The following ADRB1 variants were observed in gnomAD, a reference collection of about 807,000 sequenced individuals.
ADRB1 encodes beta-1 adrenergic receptor.
For synonymous variants in ADRB1, 365 were observed against 347.2 expected, an observed-to-expected ratio of 1.05 and a Z score of -0.57; for missense variants, 635 against 709.1, an observed-to-expected ratio of 0.90 and a Z score of 1.19.
Position 114,045,050 on chromosome 10 carries a change from G to A in ADRB1, c.918G>A (p.Ala306=). The change falls in exon 1 of 1, where the codon GCG becomes GCA. Residue 306 remains alanine, a synonymous_variant. Coordinates refer to ENST00000369295, the MANE Select transcript of ADRB1 (RefSeq NM_000684.3). ...CCGCCCCGCTGGCCAACGGGCGTGC[G>A]GGTAAGCGGCGGCCCTCGCGCCTCG... ...AATAPLANGR[A]GKRRPSRLVA... The A allele has an allele frequency of 1.5e-6, 2 of 1,321,410 alleles. No individual in the cohort carries two copies. The highest frequency in any genetic ancestry group is 1.8e-5 in the South Asian group (1 of 55,556). 81.9% of individuals were successfully genotyped at this position (1,321,410 alleles called of 1,614,324 possible).
chr10:114,044,250 G>A lies in ADRB1; in HGVS notation c.118G>A (p.Ala40Thr), dbSNP rs72556521. The A allele has an allele frequency of 1.5e-5, 22 of 1,479,278 alleles. No individual in the cohort carries two copies. Among genetic ancestry groups the A allele is most frequent in the Non-Finnish European group, 1.9e-5 (21 of 1,124,782 alleles). 91.6% of individuals were successfully genotyped at this position (1,479,278 alleles called of 1,614,324 possible). A position where few individuals can be genotyped will look rare whatever the true frequency, so the allele number is the denominator to read the frequency against. Reference sequence around the variant, plus strand: ...GCTGCTGGTGCCCGCGTCGCCGCCCGCCTCGTTGCTGCCTCCCGCCAGCGA... The same window carrying A: ...GCTGCTGGTGCCCGCGTCGCCGCCCACCTCGTTGCTGCCTCCCGCCAGCGA... ...ARLLVPASPP[A>T]SLLPPASESP... The change falls in exon 1 of 1, where the codon GCC becomes ACC. Residue 40 changes from alanine (A) to threonine (T), a missense_variant. Physicochemically the swap from Ala to Thr is moderately conservative, Grantham distance 58. Transcript: ENST00000369295. The surrounding 1 kb of genome is among the most constrained non-coding windows in gnomAD (Gnocchi z 7.8).
Position 114,045,002 on chromosome 10 carries a change from G to A in ADRB1, c.870G>A (p.Pro290=). 2 of 1,078,270 alleles carry A rather than the reference G, an allele frequency of 1.9e-6. No individual in the cohort carries two copies. The highest frequency in any genetic ancestry group is 2.2e-6 in the Non-Finnish European group (2 of 890,316). 66.8% of individuals were successfully genotyped at this position (1,078,270 alleles called of 1,614,324 possible). A position where few individuals can be genotyped will look rare whatever the true frequency, so the allele number is the denominator to read the frequency against. ...VPAPAPPPGP[P]RPAAAAATAP... is the part of the protein sequence containing the mutation. ...CGCCCGCGCCGCCGCCCGGACCCCC[G>A]CGCCCCGCCGCCGCCGCCGCCACCG... The change falls in exon 1 of 1, where the codon CCG becomes CCA. Residue 290 remains proline (P), a synonymous_variant. Transcript: ENST00000369295.
chr10:114,045,547 C>A lies in ADRB1; in HGVS notation c.1415C>A (p.Ala472Asp). The A allele has an allele frequency of 7.6e-7, 1 of 1,308,982 alleles. No homozygotes were observed. The highest frequency in any genetic ancestry group is 9.8e-7 in the Non-Finnish European group (1 of 1,025,070). 81.1% of individuals were successfully genotyped at this position (1,308,982 alleles called of 1,614,324 possible). A position where few individuals can be genotyped will look rare whatever the true frequency, so the allele number is the denominator to read the frequency against. Residue 472 changes from alanine to aspartate, a missense_variant, in exon 1 of 1, where the codon GCC (alanine) becomes GAC (aspartate). By Grantham distance (126) the Ala-to-Asp change is moderately radical (BLOSUM62 -2). Transcript: ENST00000369295. ...GACGAGCCGTGCCGCCCCGGCTTCG[C>A]CTCGGAATCCAAGGTGTAGGGCCCG... ...SLDEPCRPGFASESKV is the reference protein window; with the variant it reads ...SLDEPCRPGFDSESKV
rs1271505182 is a variant in ADRB1 at position 114,046,687 on chromosome 10, A to C, written c.*1121A>C. On this transcript the variant is annotated 3_prime_UTR_variant, in exon 1 of 1. Coordinates refer to ENST00000369295, the MANE Select transcript of ADRB1 (RefSeq NM_000684.3). ...AAATACCTTTTTATACTCCTTTATC[A>C]TGGTACTGTAACTGTATCCATATTA... The C allele has an allele frequency of 6.0e-6, 1 of 167,026 alleles. No individual in the cohort carries two copies. Among genetic ancestry groups the C allele is most frequent in the Non-Finnish European group, 1.5e-5 (1 of 68,126 alleles). 10.3% of individuals were successfully genotyped at this position (167,026 alleles called of 1,614,324 possible).
Position 114,045,375 on chromosome 10 carries a change from C to G in ADRB1, c.1243C>G (p.Leu415Val), listed in dbSNP as rs371023749. 1.8e-5 allele frequency: 23 copies of G among 1,286,022 alleles called. No individual in the cohort carries two copies. The East Asian group carries it at 1.9e-4, about 11-fold the overall frequency. 79.7% of individuals were successfully genotyped at this position (1,286,022 alleles called of 1,614,324 possible). Residue 415 changes from leucine (L) to valine (V), a missense_variant, in exon 1 of 1, where the codon CTG (leucine) becomes GTG (valine). Physicochemically the swap from Leu to Val is conservative, Grantham distance 32 (BLOSUM62 1). Transcript: ENST00000369295. ...HGDRPRASGC[L>V]ARPGPPPSPG... ...AGACCGGCCGCGCGCCTCGGGCTGT[C>G]TGGCCCGGCCCGGACCCCCGCCATC... is the stretch of plus-strand genomic sequence containing the variant.
Position 114,045,790 on chromosome 10 carries a change from C to CTTT in ADRB1, c.*225_*227dup, listed in dbSNP as rs1847555023. On this transcript the variant is annotated 3_prime_UTR_variant, in exon 1 of 1. Coordinates refer to ENST00000369295, the MANE Select transcript of ADRB1 (RefSeq NM_000684.3). ...TGTTGTTTTTTTTTTCTTTTCTTTT[C>CTTT]TTTCTTCTTCTTTTTTTTTTTTTTT... The CTTT allele has an allele frequency of 4.2e-6, 1 of 239,444 alleles. No homozygotes were observed. Among genetic ancestry groups the CTTT allele is most frequent in the Non-Finnish European group, 7.5e-6 (1 of 134,082 alleles). The allele number at this position is 239,444 out of a possible 1,614,324, so 14.8% of individuals were successfully genotyped here.
Position 114,045,262 on chromosome 10 carries a change from A to ACT in ADRB1, c.1131_1132dup (p.Cys378SerfsTer213), listed in dbSNP as rs754109896. 1 of 1,594,226 alleles carries ACT rather than the reference A, an allele frequency of 6.3e-7. No individual in the cohort carries two copies. Among genetic ancestry groups the ACT allele is most frequent in the South Asian group, 1.1e-5 (1 of 89,184 alleles). On this transcript the variant is annotated frameshift_variant, in exon 1 of 1. Coordinates refer to ENST00000369295, the MANE Select transcript of ADRB1 (RefSeq NM_000684.3). LOFTEE classifies it low-confidence loss of function (END_TRUNC). ...AACTCGGCCTTCAACCCCATCATCTACTGCCGCAGCCCCGACTTCCGCAAG... is the reference window on the plus strand; with the variant it reads ...AACTCGGCCTTCAACCCCATCATCTACTCTGCCGCAGCCCCGACTTCCGCAAG...
rs1017987082 is a variant in ADRB1, at chr10:114,046,229, C to T, written c.*663C>T. 6.0e-6 allele frequency: 1 copy of T among 167,104 alleles called. No individual in the cohort carries two copies. Among genetic ancestry groups the T allele is most frequent in the Non-Finnish European group, 1.5e-5 (1 of 68,144 alleles). 10.4% of individuals were successfully genotyped at this position (167,104 alleles called of 1,614,324 possible). ...TTGCTTTCCTTGTGTAGGGCAAACC[C>T]GCTGTCCCCCGCGCGCCTGGGTGGT... On this transcript the variant is annotated 3_prime_UTR_variant, in exon 1 of 1. Coordinates refer to ENST00000369295, the MANE Select transcript of ADRB1 (RefSeq NM_000684.3).
rs1323973066 is a variant in ADRB1, at chr10:114,044,027, C to T, written c.-106C>T. 3.1e-6 allele frequency: 3 copies of T among 977,478 alleles called. No individual in the cohort carries two copies. Among genetic ancestry groups the T allele is most frequent in the Non-Finnish European group, 3.9e-6 (3 of 771,512 alleles). 60.6% of individuals were successfully genotyped at this position (977,478 alleles called of 1,614,324 possible). ...GCCCCGCGCCGCGGCTGCCCTGACC[C>T]GGCCGCGACCTCCCTCTGCGCACCA... is the stretch of plus-strand genomic sequence containing the variant. On this transcript the variant is annotated 5_prime_UTR_variant, in exon 1 of 1. Coordinates refer to ENST00000369295, the MANE Select transcript of ADRB1 (RefSeq NM_000684.3). This position sits in a 1 kb window ranked among gnomAD's most constrained non-coding sequence, Gnocchi z 7.8.
rs1377667468 is a variant in ADRB1, at chr10:114,045,299, A to ACTG, written c.1170_1172dup (p.Leu391dup). The ACTG allele has an allele frequency of 2.5e-6, 4 of 1,575,442 alleles. No homozygotes were observed. In the East Asian group the frequency reaches 7.3e-5, roughly 29 times the overall value. ...CCGACTTCCGCAAGGCCTTCCAGGG[A>ACTG]CTGCTCTGCTGCGCGCGCAGGGCTG... On this transcript the variant is annotated inframe_insertion, in exon 1 of 1. Transcript: ENST00000369295.
chr10:114,045,499 C>G lies in ADRB1; in HGVS notation c.1367C>G (p.Ala456Gly). The change falls in exon 1 of 1, where the codon GCG becomes GGG. Residue 456 changes from alanine (A) to glycine (G), a missense_variant. Physicochemically the swap from Ala to Gly is moderately conservative, Grantham distance 60. Transcript: ENST00000369295. ...EPWAGCNGGA[A>G]ADSDSSLDEP... ...TGGGCCGGCTGCAACGGCGGGGCGG[C>G]GGCGGACAGCGACTCGAGCCTGGAC... The G allele has an allele frequency of 7.7e-7, 1 of 1,290,800 alleles. No individual in the cohort carries two copies. Among genetic ancestry groups the G allele is most frequent in the East Asian group, 3.1e-5 (1 of 32,032 alleles). The allele number at this position is 1,290,800 out of a possible 1,614,324, so 80.0% of individuals were successfully genotyped here.
At position 114,044,844 on chromosome 10, in the gene ADRB1, T is replaced by A. The variant is rs763364212; in HGVS notation, c.712T>A (p.Cys238Ser). 7 of 1,613,654 alleles carry A rather than the reference T, an allele frequency of 4.3e-6. No individual in the cohort carries two copies. The Admixed American group carries it at 1.0e-4, about 23-fold the overall frequency. ...CGTAGTCTCCTTCTACGTGCCCCTG[T>A]GCATCATGGCCTTCGTGTACCTGCG... ...SSVVSFYVPLCIMAFVYLRVF... is the reference protein window; with the variant it reads ...SSVVSFYVPLSIMAFVYLRVF... The change falls in exon 1 of 1, where the codon TGC (cysteine) becomes AGC (serine). Residue 238 changes from cysteine (C) to serine (S), a missense_variant. Transcript: ENST00000369295. The surrounding 1 kb of genome is among the most constrained non-coding windows in gnomAD (Gnocchi z 7.8).
Position 114,043,926 on chromosome 10 carries a change from C to T in ADRB1, c.-207C>T, listed in dbSNP as rs1847521018. The T allele has an allele frequency of 8.3e-6, 2 of 239,854 alleles. No individual in the cohort carries two copies. Among genetic ancestry groups the T allele is most frequent in the Non-Finnish European group, 1.5e-5 (2 of 134,036 alleles). The allele number at this position is 239,854 out of a possible 1,614,324, so 14.9% of individuals were successfully genotyped here. A position where few individuals can be genotyped will look rare whatever the true frequency, so the allele number is the denominator to read the frequency against. On this transcript the variant is annotated 5_prime_UTR_variant, in exon 1 of 1. Transcript: ENST00000369295. The stretch of plus-strand genomic sequence containing the variant: ...GCGGCAGCGGCTCCAGCAGCAGCGG[C>T]GGCGGCGGCGGCGGCGGCAGCGGCA...
At position 114,044,344 on chromosome 10, in the gene ADRB1, T is replaced by A. The variant is rs1305656056; in HGVS notation, c.212T>A (p.Leu71His). The stretch of plus-strand genomic sequence containing the variant: ...CTGCTGATGGCGCTCATCGTGCTGC[T>A]CATCGTGGCGGGCAATGTGCTGGTG... ...MGLLMALIVL[L>H]IVAGNVLVIV... The change falls in exon 1 of 1, where the codon CTC (leucine) becomes CAC (histidine). Residue 71 changes from leucine (L) to histidine (H), a missense_variant. Leu to His is a moderately conservative substitution (Grantham distance 99, BLOSUM62 -3). Coordinates refer to ENST00000369295, the MANE Select transcript of ADRB1 (RefSeq NM_000684.3). This position sits in a 1 kb window ranked among gnomAD's most constrained non-coding sequence, Gnocchi z 7.8. 6.2e-7 allele frequency: 1 copy of A among 1,605,272 alleles called. No individual in the cohort carries two copies.
At position 114,045,762 on chromosome 10, in the gene ADRB1, C is replaced by A; in HGVS notation, c.*196C>A. ...GATGGGAGAGTGGCTTGCTGATGTT[C>A]CTTGTTGTTTTTTTTTTCTTTTCTT... On this transcript the variant is annotated 3_prime_UTR_variant, in exon 1 of 1. Transcript: ENST00000369295. 2.5e-6 allele frequency: 1 copy of A among 393,408 alleles called. No homozygotes were observed. The highest frequency in any genetic ancestry group is 4.5e-6 in the Non-Finnish European group (1 of 224,684). The allele number at this position is 393,408 out of a possible 1,614,324, so 24.4% of individuals were successfully genotyped here.
chr10:114,044,536 C>G lies in ADRB1; in HGVS notation c.404C>G (p.Thr135Ser), dbSNP rs373548972. 1.9e-6 allele frequency: 3 copies of G among 1,613,842 alleles called. No individual in the cohort carries two copies. The African/African-American group carries it at 4.0e-5, about 22-fold the overall frequency. Residue 135 changes from threonine (T) to serine (S), a missense_variant, in exon 1 of 1, where the codon ACC (threonine) becomes AGC (serine). Thr to Ser is a moderately conservative substitution (Grantham distance 58). Coordinates refer to ENST00000369295, the MANE Select transcript of ADRB1 (RefSeq NM_000684.3). The surrounding 1 kb of genome is among the most constrained non-coding windows in gnomAD (Gnocchi z 7.8). ...GGCTCCTTCTTCTGCGAGCTGTGGA[C>G]CTCAGTGGACGTGCTGTGCGTGACG... ...EYGSFFCELW[T>S]SVDVLCVTAS...
In ADRB1 at chr10:114,044,242, C is replaced by G. The variant is rs1287478897; in HGVS notation, c.110C>G (p.Ser37Trp). 25 of 1,460,404 alleles carry G rather than the reference C, an allele frequency of 1.7e-5. 1 individual carries two copies. Among genetic ancestry groups the G allele is most frequent in the Non-Finnish European group, 2.2e-5 (24 of 1,116,128 alleles). 90.5% of individuals were successfully genotyped at this position (1,460,404 alleles called of 1,614,324 possible). Residue 37 changes from serine to tryptophan, a missense_variant, in exon 1 of 1, where the codon TCG becomes TGG. Transcript: ENST00000369295. The surrounding 1 kb of genome is among the most constrained non-coding windows in gnomAD (Gnocchi z 7.8). ...GCGGCGCGGCTGCTGGTGCCCGCGT[C>G]GCCGCCCGCCTCGTTGCTGCCTCCC... ...ATAARLLVPA[S>W]PPASLLPPAS... is the part of the protein sequence containing the mutation.
chr10:114,044,275 A>G lies in ADRB1; in HGVS notation c.143A>G (p.Glu48Gly). 6.5e-7 allele frequency: 1 copy of G among 1,544,670 alleles called. No homozygotes were observed. Among genetic ancestry groups the G allele is most frequent in the African/African-American group, 1.4e-5 (1 of 71,036 alleles). The change falls in exon 1 of 1, where the codon GAA (glutamate) becomes GGA (glycine). Residue 48 changes from glutamate to glycine, a missense_variant. Glu to Gly is a moderately conservative substitution (Grantham distance 98, BLOSUM62 -2). Transcript: ENST00000369295. This position sits in a 1 kb window ranked among gnomAD's most constrained non-coding sequence, Gnocchi z 7.8. ...PPASLLPPAS[E>G]SPEPLSQQWT... Reference sequence around the variant, plus strand: ...GCCTCGTTGCTGCCTCCCGCCAGCGAAAGCCCCGAGCCGCTGTCTCAGCAG... The same window carrying G: ...GCCTCGTTGCTGCCTCCCGCCAGCGGAAGCCCCGAGCCGCTGTCTCAGCAG...
rs34635547 is a variant in ADRB1 at position 114,045,800 on chromosome 10, C to CTTT, written c.*254_*256dup. ...TTTTTCTTTTCTTTTCTTTCTTCTT[C>CTTT]TTTTTTTTTTTTTTTTTTTTTTCTG... On this transcript the variant is annotated 3_prime_UTR_variant, in exon 1 of 1. Coordinates refer to ENST00000369295, the MANE Select transcript of ADRB1 (RefSeq NM_000684.3). 551 of 118,680 alleles carry CTTT rather than the reference C, an allele frequency of 4.6e-3. 5 individuals are homozygous for CTTT. The highest frequency in any genetic ancestry group is 0.012 in the African/African-American group (258 of 20,686). The allele number at this position is 118,680 out of a possible 1,614,324, so 7.4% of individuals were successfully genotyped here. A position where few individuals can be genotyped will look rare whatever the true frequency, so the allele number is the denominator to read the frequency against.
Sources: gnomAD v4.1 joint callset for allele counts on GRCh38, gnomAD v4.1.1 for gene constraint, Gnocchi (gnomAD v3.1) non-coding constraint, MANE v1.5 for transcripts, NCBI Gene and HGNC (gene_info 2026-07-23, HGNC 2026-07-21) for gene names.